The following PPHLN1 variants were observed in gnomAD, a reference collection of about 807,000 sequenced individuals.
PPHLN1 encodes periphilin-1.
Under a neutral mutation model 51.3 loss-of-function variants are expected in PPHLN1, and 29 were observed. The ratio of observed to expected loss-of-function variants is 0.57; its 90% CI spans 0.42 to 0.77. The LOEUF (loss-of-function observed/expected upper bound fraction) is 0.77, where lower values mean the gene tolerates loss of function less well. Ranked by LOEUF, PPHLN1 falls within the 30% of genes least tolerant of loss-of-function variation. PPHLN1 has a pLI of 0.00. For missense variants in PPHLN1, 436 were observed against 438.4 expected (o/e 0.99, Z 0.05); for synonymous variants, 147 against 147.8 (o/e 0.99, Z 0.04).
At chr12:42,410,945 A>G (rs1312113089) in intron 9 of PPHLN1, among the ~76,000 whole-genome samples, 2 of 152,182 alleles carry the variant, frequency 1.3e-5, no homozygotes, top group Non-Finnish European at 2.9e-5. Context: ...ACCATAATGT[A>G]TCTAGGTATG....
intron 9 of PPHLN1, among the ~76,000 whole-genome samples, chr12:42,422,253 TCA>T (rs2081071840): frequency 6.6e-6 from 1 of 152,232 alleles, no homozygotes; most frequent in Non-Finnish European, 1.5e-5. Flanking sequence ...CACTAAACCC[TCA>T]GAGAGCAAAG....
At chr12:42,388,122 C>T (rs917256633) in intron 7 of PPHLN1, among the ~76,000 whole-genome samples, 1 of 152,176 alleles carries the variant, frequency 6.6e-6, no homozygotes, top group African/African-American at 2.4e-5. Context: ...GACCATCCCC[C>T]AGCCCAACAC....
At chr12:42,428,177 C>G (rs1326938531) in intron 9 of PPHLN1, among the ~76,000 whole-genome samples, 1 of 152,186 alleles carries the variant, frequency 6.6e-6, no homozygotes, top group East Asian at 1.9e-4. Context: ...TAAACTAGTA[C>G]AGCCATTATG....
At chr12:42,389,892 T>A (rs769573959) in intron 7 of PPHLN1, among the ~76,000 whole-genome samples, 1 of 152,198 alleles carries the variant, frequency 6.6e-6, no homozygotes, top group Non-Finnish European at 1.5e-5. Flanking sequence ...GAGTTATTAA[T>A]TTCTTAAGGA....
downstream of PPHLN1, chr12:42,444,696 G>C (rs570543105): frequency 8.7e-6 from 2 of 228,952 alleles, no homozygotes; most frequent in South Asian, 8.8e-5. Flanking sequence ...ATTTGAAGCA[G>C]TCTTGCCCCT....
chr12:42,424,751 GAAAGTCTCC>G (rs2081281001), intron 9 of PPHLN1, among the ~76,000 whole-genome samples: 3 of 152,136 alleles, frequency 2.0e-5, no homozygotes. Context: ...CATACATTTT[GAAAGTCTCC>G]CAGAAATACT....
chr12:42,379,834 AT>A (rs2138893241), intron 5 of PPHLN1, among the ~76,000 whole-genome samples: 1 of 152,128 alleles, frequency 6.6e-6, no homozygotes, highest in African/African-American at 2.4e-5. Flanking sequence ...AACAGCTTGT[AT>A]TATCTGCAAA....
chr12:42,376,554 A>G (rs1410666394), intron 5 of PPHLN1, among the ~76,000 whole-genome samples: 1 of 152,222 alleles, frequency 6.6e-6, no homozygotes, highest in Non-Finnish European at 1.5e-5. Flanking sequence ...TGGGAAGCCA[A>G]GGTGGAAAGA....
At chr12:42,337,974 G>T (rs2070937094) in intron 2 of PPHLN1, among the ~76,000 whole-genome samples, 1 of 151,950 alleles carries the variant, frequency 6.6e-6, no homozygotes, top group Non-Finnish European at 1.5e-5. Context: ...AGTAGAGACG[G>T]GGTTTCACCG....
chr12:42,388,365 G>A (rs894686930), intron 7 of PPHLN1, among the ~76,000 whole-genome samples: 3 of 152,094 alleles, frequency 2.0e-5, no homozygotes, highest in Admixed American at 6.5e-5. Context: ...ATGTTTGGGC[G>A]GAGAGAAACA....
At chr12:42,338,205 G>A (rs1011359125) in intron 2 of PPHLN1, among the ~76,000 whole-genome samples, 3 of 152,286 alleles carry the variant, frequency 2.0e-5, no homozygotes, top group South Asian at 2.1e-4. Context: ...GGGATTACAC[G>A]CGTCAGCCAC....
At chr12:42,420,855 G>A (rs539549704) in intron 9 of PPHLN1, among the ~76,000 whole-genome samples, 5 of 151,996 alleles carry the variant, frequency 3.3e-5, no homozygotes, top group African/African-American at 1.2e-4. Context: ...TCAGGATACT[G>A]TGTTTTAGGC....
chr12:42,380,733 A>C (rs1344929215), intron 5 of PPHLN1, among the ~76,000 whole-genome samples: 1 of 152,092 alleles, frequency 6.6e-6, no homozygotes, highest in Non-Finnish European at 1.5e-5. Context: ...TGCAGATTTG[A>C]AGAGGTAATA....
chr12:42,386,748 C>A, intron 6 of PPHLN1, among the ~76,000 whole-genome samples: 1 of 152,096 alleles, frequency 6.6e-6, no homozygotes, highest in Non-Finnish European at 1.5e-5. Flanking sequence ...TTTAACTAAA[C>A]CTATCTTTTA....
At chr12:42,418,460 A>C (rs1405745840) in intron 9 of PPHLN1, among the ~76,000 whole-genome samples, 1 of 152,054 alleles carries the variant, frequency 6.6e-6, no homozygotes, top group Non-Finnish European at 1.5e-5. Context: ...ACTTAGAATA[A>C]AAATCCAAAG....
chr12:42,374,906 C>T lies in PPHLN1; in HGVS notation c.343C>T (p.His115Tyr), dbSNP rs748992773. ...GFRRKSFYSS[H>Y]YARERSPYKR... ...TAGAAGAAAAAGTTTCTACTCTTCC[C>T]ATTATGCGAGAGAGCGGTCTCCTTA... The change falls in exon 5 of 10, where the codon CAT becomes TAT. Residue 115 changes from histidine (H) to tyrosine (Y), a missense_variant. Physicochemically the swap from His to Tyr is moderately conservative, Grantham distance 83. Coordinates refer to ENST00000358314, the MANE Select transcript of PPHLN1 (RefSeq NM_201439.2). The T allele has an allele frequency of 1.3e-5, 21 of 1,613,506 alleles. No homozygotes were observed. The highest frequency in any genetic ancestry group is 1.8e-5 in the Non-Finnish European group (21 of 1,179,926).
At chr12:42,436,919 C>G (rs2082532245) in intron 9 of PPHLN1, among the ~76,000 whole-genome samples, 1 of 152,212 alleles carries the variant, frequency 6.6e-6, no homozygotes, top group South Asian at 2.1e-4. Flanking sequence ...CAGCAGGTAA[C>G]TGAAATCTCA....
intron 4 of PPHLN1, chr12:42,355,431 T>A (rs1386927319): frequency 4.3e-6 from 2 of 465,876 alleles, no homozygotes; most frequent in African/African-American, 2.0e-5. Flanking sequence ...TTGTAACTCA[T>A]AAAAAAATAT....
At chr12:42,424,467 G>A (rs2081257526) in intron 9 of PPHLN1, among the ~76,000 whole-genome samples, 1 of 152,092 alleles carries the variant, frequency 6.6e-6, no homozygotes, top group South Asian at 2.1e-4. Flanking sequence ...CATCAAACCA[G>A]TTTTTTATAA....
Sources: allele counts gnomAD v4.1 joint callset (sites outside exome capture counted in the v4.1 genomes callset), GRCh38; gene constraint gnomAD v4.1.1; transcripts MANE v1.5; gene names NCBI Gene and HGNC (gene_info 2026-07-23, HGNC 2026-07-21).